The following PCDHA13 variants were observed in gnomAD, a reference collection of about 807,000 sequenced individuals.
PCDHA13 encodes protocadherin alpha 13, also known as protocadherin alpha-13.
In PCDHA13, 54 loss-of-function variants were observed where a neutral mutation model predicts 64.8. The ratio of observed to expected loss-of-function variants is 0.83; its 90% CI spans 0.67 to 1.04. The LOEUF is 1.04. PCDHA13 is among the 50% of genes least tolerant of loss of function. The probability of loss-of-function intolerance (pLI) is 0.00; values close to 1 mark genes in which losing one functional copy is unlikely to be tolerated. For missense variants in PCDHA13, 1,248 were observed against 1,254.3 expected (o/e 0.99, Z 0.08); for synonymous variants, 587 against 564.4 (o/e 1.04, Z -0.57).
intron 3 of PCDHA13, among the ~76,000 whole-genome samples, chr5:141,002,682 G>T (rs536105955): frequency 6.6e-6 from 1 of 152,140 alleles, no homozygotes; most frequent in Non-Finnish European, 1.5e-5. Flanking sequence ...CCTATACGAC[G>T]TGCAGATTTG....
In PCDHA13 at chr5:140,882,927, C is replaced by A; in HGVS notation, c.659C>A (p.Pro220His). ...CTGACAGCCAGTGATGGAGGTAAACCCGAGCTGACTGGCACAGTTCAGCTG... is the reference window on the plus strand; with the variant it reads ...CTGACAGCCAGTGATGGAGGTAAACACGAGCTGACTGGCACAGTTCAGCTG... ...LLLTASDGGK[P>H]ELTGTVQLLI... The change falls in exon 1 of 4, where the codon CCC becomes CAC. Residue 220 changes from proline (P) to histidine (H), a missense_variant. Coordinates refer to ENST00000289272, the MANE Select transcript of PCDHA13 (RefSeq NM_018904.3). 6.2e-7 allele frequency: 1 copy of A among 1,614,104 alleles called. No individual in the cohort carries two copies.
At chr5:140,978,818 C>T in intron 1 of PCDHA13, 131 bp from the exon 2 acceptor site, 4 of 1,512,636 alleles carry the variant, frequency 2.6e-6, no homozygotes, top group Non-Finnish European at 3.5e-6. Flanking sequence ...TAGAGTTACA[C>T]ATGAAATGGC....
chr5:140,885,152 T>C (rs1182560213), intron 1 of PCDHA13, among the ~76,000 whole-genome samples: 1 of 152,206 alleles, frequency 6.6e-6, no homozygotes, highest in African/African-American at 2.4e-5. Context: ...CTGTTTTGAT[T>C]GTCTCTACTT....
Position 140,960,269 on chromosome 5 carries a change from G to A in PCDHA13, c.2395-18680G>A, listed in dbSNP as rs148980300. On this transcript the variant is annotated intron_variant, in intron 1 of 3. Transcript: ENST00000289272. ...CTTCCTGGAGCTTCTGATAAATTCC[G>A]TCACCTTTTTGGGACCCAGTTTCTT... is the stretch of plus-strand genomic sequence containing the variant. Among the ~76,000 whole-genome samples, 355 of 152,162 alleles carry A rather than the reference G, an allele frequency of 2.3e-3. 1 individual carries two copies. The highest frequency in any genetic ancestry group is 7.0e-3 in the African/African-American group (290 of 41,548).
At chr5:140,998,095 CA>C (rs1482651958) in intron 3 of PCDHA13, among the ~76,000 whole-genome samples, 1 of 152,106 alleles carries the variant, frequency 6.6e-6, no homozygotes, top group Non-Finnish European at 1.5e-5. Flanking sequence ...AATGCTAGAG[CA>C]AACAGAGGAG....
At chr5:140,945,760 G>T (rs2093839081) in intron 1 of PCDHA13, among the ~76,000 whole-genome samples, 2 of 152,154 alleles carry the variant, frequency 1.3e-5, no homozygotes, top group East Asian at 1.9e-4. Flanking sequence ...AAATGGTGGT[G>T]GGACAATTTG....
At position 140,953,768 on chromosome 5, in the gene PCDHA13, A is replaced by G. The variant is rs146090592; in HGVS notation, c.2395-25181A>G. Among the ~76,000 whole-genome samples, 15 of 152,248 alleles carry G rather than the reference A, an allele frequency of 9.9e-5. No homozygotes were observed. In the East Asian group the frequency reaches 2.7e-3, roughly 27 times the overall value. The stretch of plus-strand genomic sequence containing the variant: ...TACATTTATCCAAGAATTAAATTTA[A>G]TATTTATTTATTTTTTTCTTCAACT... On this transcript the variant is annotated intron_variant, in intron 1 of 3. Coordinates refer to ENST00000289272, the MANE Select transcript of PCDHA13 (RefSeq NM_018904.3).
At chr5:140,937,933 A>T (rs1452935525) in intron 1 of PCDHA13, among the ~76,000 whole-genome samples, 1 of 151,854 alleles carries the variant, frequency 6.6e-6, no homozygotes, top group Non-Finnish European at 1.5e-5. Flanking sequence ...AAAAAGTTTA[A>T]TTTGATAATT....
chr5:141,010,461 G>C lies in PCDHA13; in HGVS notation c.*524G>C. The C allele has an allele frequency of 1.2e-6, 1 of 823,014 alleles. No individual in the cohort carries two copies. The highest frequency in any genetic ancestry group is 1.8e-6 in the Non-Finnish European group (1 of 553,022). The allele number at this position is 823,014 out of a possible 1,614,324, so 51.0% of individuals were successfully genotyped here. A position where few individuals can be genotyped will look rare whatever the true frequency, so the allele number is the denominator to read the frequency against. On this transcript the variant is annotated 3_prime_UTR_variant, in exon 4 of 4. Coordinates refer to ENST00000289272, the MANE Select transcript of PCDHA13 (RefSeq NM_018904.3). ...GACAAATAAACAGCGGAAGTTATCAGTATGGAGGGGAAGTGTAAACTTAAA... is the reference window on the plus strand; with the variant it reads ...GACAAATAAACAGCGGAAGTTATCACTATGGAGGGGAAGTGTAAACTTAAA...
intron 3 of PCDHA13, among the ~76,000 whole-genome samples, chr5:140,984,769 C>T (rs145432187): frequency 1.3e-5 from 2 of 152,194 alleles, no homozygotes; most frequent in African/African-American, 2.4e-5. Context: ...TAATCCCAAG[C>T]TTACTTGCTG....
rs142212706 is a variant in PCDHA13 at position 140,883,696 on chromosome 5, G to A, written c.1428G>A (p.Thr476=). 1 of 1,613,818 alleles carries A rather than the reference G, an allele frequency of 6.2e-7. No individual in the cohort carries two copies. Among genetic ancestry groups the A allele is most frequent in the Non-Finnish European group, 8.5e-7 (1 of 1,179,880 alleles). ...ENNPPGCHIF[T]VSAQDADAQE... is the part of the protein sequence containing the mutation. ...ATCCGCCGGGCTGCCACATCTTCAC[G>A]GTGTCTGCTCAGGACGCGGACGCAC... Residue 476 remains threonine, a synonymous_variant, in exon 1 of 4, where the codon ACG becomes ACA. Coordinates refer to ENST00000289272, the MANE Select transcript of PCDHA13 (RefSeq NM_018904.3).
rs782226254 is a variant in PCDHA13 at position 140,882,345 on chromosome 5, C to T, written c.77C>T (p.Thr26Met). The T allele has an allele frequency of 6.8e-6, 11 of 1,614,042 alleles. No homozygotes were observed. In the Admixed American group the frequency reaches 1.5e-4, roughly 22 times the overall value. ...LWLLILAAWE[T>M]GSGQLHYSVP... Reference sequence around the variant, plus strand: ...CTTCTGATCCTCGCAGCCTGGGAGACGGGTAGTGGCCAGCTCCACTACTCC... The same window carrying T: ...CTTCTGATCCTCGCAGCCTGGGAGATGGGTAGTGGCCAGCTCCACTACTCC... Residue 26 changes from threonine (T) to methionine (M), a missense_variant, in exon 1 of 4, where the codon ACG becomes ATG. By Grantham distance (81) the Thr-to-Met change is moderately conservative. Transcript: ENST00000289272.
chr5:141,011,553 G>T lies in PCDHA13; in HGVS notation c.*1616G>T, dbSNP rs1191049531. The T allele has an allele frequency of 6.5e-6, 1 of 153,640 alleles. No homozygotes were observed. The highest frequency in any genetic ancestry group is 1.5e-5 in the Non-Finnish European group (1 of 68,008). The allele number at this position is 153,640 out of a possible 1,614,324, so 9.5% of individuals were successfully genotyped here. Reference sequence around the variant, plus strand: ...TGTTAATCAGCTTTTGTGTATGAAAGACACAGTAAAATTTCTTTCTTAAAT... The same window carrying T: ...TGTTAATCAGCTTTTGTGTATGAAATACACAGTAAAATTTCTTTCTTAAAT... On this transcript the variant is annotated 3_prime_UTR_variant, in exon 4 of 4. Transcript: ENST00000289272.
At chr5:141,007,280 T>G (rs946303708) in intron 3 of PCDHA13, among the ~76,000 whole-genome samples, 1 of 151,106 alleles carries the variant, frequency 6.6e-6, no homozygotes, top group East Asian at 1.9e-4. Flanking sequence ...CTGGGTGCAG[T>G]GGGCTCATGC....
intron 1 of PCDHA13, among the ~76,000 whole-genome samples, chr5:140,939,059 T>C (rs2092309221): frequency 6.6e-6 from 1 of 152,234 alleles, no homozygotes; most frequent in Non-Finnish European, 1.5e-5. Flanking sequence ...TTTGGGCTGC[T>C]ATATCAAAAT....
chr5:140,882,357 A>G lies in PCDHA13; in HGVS notation c.89A>G (p.Gln30Arg), dbSNP rs1010659037. Residue 30 changes from glutamine (Q) to arginine (R), a missense_variant, in exon 1 of 4, where the codon CAG (glutamine) becomes CGG (arginine). By Grantham distance (43) the Gln-to-Arg change is conservative. Transcript: ENST00000289272. Reference protein sequence around the residue: ...ILAAWETGSGQLHYSVPEEAK... With the variant: ...ILAAWETGSGRLHYSVPEEAK... Reference sequence around the variant, plus strand: ...GCAGCCTGGGAGACGGGTAGTGGCCAGCTCCACTACTCCGTCCCCGAGGAA... The same window carrying G: ...GCAGCCTGGGAGACGGGTAGTGGCCGGCTCCACTACTCCGTCCCCGAGGAA... 22 of 1,614,084 alleles carry G rather than the reference A, an allele frequency of 1.4e-5. No individual in the cohort carries two copies. In the Admixed American group the frequency reaches 2.5e-4, roughly 18 times the overall value.
chr5:140,897,214 G>A (rs1355389573), intron 1 of PCDHA13, among the ~76,000 whole-genome samples: 1 of 151,764 alleles, frequency 6.6e-6, no homozygotes, highest in Non-Finnish European at 1.5e-5. Flanking sequence ...TTAAGTTTTA[G>A]GGTACATGTG....
chr5:140,964,079 G>A (rs1209152794), intron 1 of PCDHA13, among the ~76,000 whole-genome samples: 3 of 152,178 alleles, frequency 2.0e-5, no homozygotes, highest in African/African-American at 7.2e-5. Flanking sequence ...GTTAATATTT[G>A]TAGAAAGGGT....
chr5:140,954,271 A>G (rs1284942355), intron 1 of PCDHA13, among the ~76,000 whole-genome samples: 2 of 152,140 alleles, frequency 1.3e-5, no homozygotes, highest in South Asian at 2.1e-4. Context: ...TTATAATAGG[A>G]TGATTTATAT....
Sources: gnomAD v4.1 joint callset for allele counts (sites outside exome capture counted in the v4.1 genomes callset) on GRCh38, gnomAD v4.1.1 for gene constraint, MANE v1.5 for transcripts, NCBI Gene and HGNC (gene_info 2026-07-23, HGNC 2026-07-21) for gene names.